DLC1: variants seen among roughly 807,000 people sequenced by gnomAD.
DLC1 encodes the protein rho GTPase-activating protein 7.
Under a neutral mutation model 140.3 loss-of-function variants are expected in DLC1, and 54 were observed. The observed-to-expected ratio is 0.38, with a 90% CI of 0.31 to 0.48. DLC1 has a LOEUF of 0.48. Among genes scored for constraint, DLC1 ranks in the 20% least tolerant of loss-of-function variants. The pLI, the probability that DLC1 is intolerant of heterozygous loss-of-function variation, is 0.96. For synonymous variants in DLC1, 986 were observed against 728.1 expected (o/e 1.35, Z -5.70); for missense variants, 2,536 against 1,907.0 (o/e 1.33, Z -6.14).
intron 5 of DLC1, among the ~76,000 whole-genome samples, chr8:13,149,467 GA>G (rs1823655953): frequency 6.6e-6 from 1 of 151,978 alleles, no homozygotes; most frequent in South Asian, 2.1e-4. Context: ...GCCCTGTATT[GA>G]GCCAATCCCC....
rs559536786 is a variant in DLC1 at position 13,465,865 on chromosome 8, A to G, written c.1023+33184T>C. Reference sequence around the variant, plus strand: ...TGTGAGAACCAATGTCCTGGTTCTCATACCAGAACCAGGGTTAGTTAGAAT... The same window carrying G: ...TGTGAGAACCAATGTCCTGGTTCTCGTACCAGAACCAGGGTTAGTTAGAAT... On this transcript the variant is annotated intron_variant, in intron 2 of 17. Coordinates refer to ENST00000276297, the MANE Select transcript of DLC1 (RefSeq NM_182643.3). Among the ~76,000 whole-genome samples the G allele has an allele frequency of 2.0e-5, 3 of 152,268 alleles. No homozygotes were observed. The South Asian group carries it at 6.2e-4, about 32-fold the overall frequency.
chr8:13,549,652 A>G (rs1803778055), intron 1 of DLC1, among the ~76,000 whole-genome samples: 1 of 152,178 alleles, frequency 6.6e-6, no homozygotes, highest in South Asian at 2.1e-4. Context: ...TGTGGTAGAA[A>G]AAACATCTGG....
intron 1 of DLC1, among the ~76,000 whole-genome samples, chr8:13,503,082 GT>G (rs1411904692): frequency 6.6e-6 from 1 of 152,154 alleles, no homozygotes; most frequent in African/African-American, 2.4e-5. Context: ...TAACGTAAGA[GT>G]TTTATAGCAT....
chr8:13,487,954 C>T (rs113233844), intron 2 of DLC1, among the ~76,000 whole-genome samples: 12 of 152,146 alleles, frequency 7.9e-5, no homozygotes, highest in Admixed American at 3.9e-4. Flanking sequence ...CATTTCTTGC[C>T]TGCTTTACAC....
intron 4 of DLC1, among the ~76,000 whole-genome samples, chr8:13,363,786 G>A (rs946017535): frequency 6.6e-6 from 1 of 152,132 alleles, no homozygotes; most frequent in African/African-American, 2.4e-5. Context: ...TCAGTATTTG[G>A]TGATTGCAAA....
intron 2 of DLC1, among the ~76,000 whole-genome samples, chr8:13,417,088 T>C (rs1035484484): frequency 7.9e-5 from 12 of 152,148 alleles, no homozygotes; most frequent in Non-Finnish European, 1.3e-4. Flanking sequence ...CAACAATTAT[T>C]TCTAATCAGA....
intron 1 of DLC1, among the ~76,000 whole-genome samples, chr8:13,526,495 T>C (rs992989116): frequency 6.6e-6 from 1 of 152,188 alleles, no homozygotes; most frequent in African/African-American, 2.4e-5. Context: ...TCCTGCTTTT[T>C]ACTGTAAGAA....
intron 4 of DLC1, among the ~76,000 whole-genome samples, chr8:13,374,470 G>C (rs1359408655): frequency 1.3e-5 from 2 of 152,100 alleles, no homozygotes; most frequent in Non-Finnish European, 2.9e-5. Context: ...AGGGAAGGGG[G>C]CCAAAATTAT....
intron 5 of DLC1, among the ~76,000 whole-genome samples, chr8:13,234,843 C>T (rs1170577785): frequency 6.6e-6 from 1 of 151,948 alleles, no homozygotes; most frequent in African/African-American, 2.4e-5. Context: ...AGAGACTTGT[C>T]TTAAGAAACA....
At chr8:13,435,682 A>G (rs1015191751) in intron 2 of DLC1, among the ~76,000 whole-genome samples, 1 of 152,234 alleles carries the variant, frequency 6.6e-6, no homozygotes, top group Non-Finnish European at 1.5e-5. Context: ...TGATGAAGAT[A>G]CTGTGCACAT....
chr8:13,200,385 A>G (rs1404959041), intron 5 of DLC1, among the ~76,000 whole-genome samples: 2 of 151,940 alleles, frequency 1.3e-5, no homozygotes, highest in African/African-American at 4.8e-5. Flanking sequence ...TATTATTCTT[A>G]TTTTACAGGT....
chr8:13,201,647 G>A (rs980785615), intron 5 of DLC1, among the ~76,000 whole-genome samples: 8 of 152,006 alleles, frequency 5.3e-5, no homozygotes, highest in Non-Finnish European at 1.0e-4. Flanking sequence ...TTGTGTCACT[G>A]AGATTTTTGG....
chr8:13,155,635 A>G (rs753995467), intron 5 of DLC1, among the ~76,000 whole-genome samples: 23 of 152,138 alleles, frequency 1.5e-4, no homozygotes, highest in Non-Finnish European at 3.1e-4. Flanking sequence ...ATTGTTTGCT[A>G]TATTAAGTTG....
intron 1 of DLC1, among the ~76,000 whole-genome samples, chr8:13,511,882 AAT>A (rs1308412057): frequency 1.2e-4 from 18 of 152,182 alleles, no homozygotes; most frequent in African/African-American, 4.3e-4. Flanking sequence ...ACAAAAGACA[AAT>A]TTCAAATGAT....
At chr8:13,171,115 G>A (rs1825445727) in intron 5 of DLC1, among the ~76,000 whole-genome samples, 1 of 152,080 alleles carries the variant, frequency 6.6e-6, no homozygotes, top group Admixed American at 6.5e-5. Flanking sequence ...TAATCTTAAA[G>A]TGCAGGAGAA....
chr8:13,412,931 CAAAAAAA>C (rs771025112), intron 2 of DLC1, among the ~76,000 whole-genome samples: 1 of 94,006 alleles, frequency 1.1e-5, no homozygotes, highest in African/African-American at 4.7e-5. Flanking sequence ...GACTCCATCT[CAAAAAAA>C]AAAAAAAAAA....
intron 2 of DLC1, among the ~76,000 whole-genome samples, chr8:13,450,149 T>C (rs1446705165): frequency 6.6e-6 from 1 of 151,992 alleles, no homozygotes; most frequent in Admixed American, 6.6e-5. Flanking sequence ...AAATAGATCA[T>C]AATTATTTTA....
chr8:13,177,746 T>C (rs779331540), intron 5 of DLC1, among the ~76,000 whole-genome samples: 19 of 151,024 alleles, frequency 1.3e-4, no homozygotes, highest in Non-Finnish European at 2.8e-4. Context: ...CCAGAAAAAA[T>C]TTTGGTTCTT....
intron 4 of DLC1, among the ~76,000 whole-genome samples, chr8:13,323,223 C>T (rs1454158628): frequency 1.3e-5 from 2 of 152,092 alleles, no homozygotes; most frequent in Non-Finnish European, 2.9e-5. Flanking sequence ...TGCTATGCAG[C>T]AAAAAATAAC....
Sources: allele counts gnomAD v4.1 joint callset (sites outside exome capture counted in the v4.1 genomes callset), GRCh38; gene constraint gnomAD v4.1.1; transcripts MANE v1.5; gene names NCBI Gene and HGNC (gene_info 2026-07-23, HGNC 2026-07-21).